PCDH9: variants seen among roughly 807,000 people sequenced by gnomAD.
PCDH9 encodes the protein protocadherin-9.
A neutral mutation model predicts 70.6 loss-of-function variants in PCDH9; 24 were observed. That is an observed-to-expected ratio of 0.34 (90% CI 0.25 to 0.48). PCDH9 has a LOEUF of 0.48. Among genes scored for constraint, PCDH9 ranks in the 20% least tolerant of loss-of-function variants. The pLI is 0.99. For missense variants in PCDH9, 1,281 were observed against 1,503.6 expected, an observed-to-expected ratio of 0.85 and a Z score of 2.45; for synonymous variants, 562 against 558.5, an observed-to-expected ratio of 1.01 and a Z score of -0.09.
chr13:67,035,862 A>G (rs1477528001), intron 2 of PCDH9, among the ~76,000 whole-genome samples: 1 of 152,118 alleles, frequency 6.6e-6, no homozygotes, highest in Non-Finnish European at 1.5e-5. Context: ...CCCCAAATCC[A>G]ATATTTGTCC....
chr13:67,149,485 A>G (rs954019013), intron 2 of PCDH9, among the ~76,000 whole-genome samples: 4 of 151,942 alleles, frequency 2.6e-5, no homozygotes, highest in Admixed American at 1.3e-4. Context: ...TATTGTGATT[A>G]TCATTATCAT....
chr13:66,932,969 T>C (rs1167809916), intron 2 of PCDH9, among the ~76,000 whole-genome samples: 3 of 151,702 alleles, frequency 2.0e-5, no homozygotes, highest in South Asian at 2.1e-4. Context: ...ATAGTTAAGA[T>C]AATTAAATTT....
intron 3 of PCDH9, among the ~76,000 whole-genome samples, chr13:66,828,344 A>T (rs990884696): frequency 1.3e-5 from 2 of 152,242 alleles, no homozygotes; most frequent in Non-Finnish European, 2.9e-5. Context: ...GAAGAGTGAC[A>T]TGAATTTATA....
At chr13:67,058,909 G>T (rs887182840) in intron 2 of PCDH9, among the ~76,000 whole-genome samples, 2 of 151,980 alleles carry the variant, frequency 1.3e-5, no homozygotes, top group Non-Finnish European at 2.9e-5. Flanking sequence ...AAAAAGAAAG[G>T]TCTTTCAATA....
intron 2 of PCDH9, among the ~76,000 whole-genome samples, chr13:67,026,281 A>T (rs1391875863): frequency 6.6e-6 from 1 of 152,172 alleles, no homozygotes; most frequent in African/African-American, 2.4e-5. Context: ...ATCAATGTTC[A>T]TCAAGGATAT....
chr13:66,760,855 AG>A (rs1040685187), intron 3 of PCDH9, among the ~76,000 whole-genome samples: 3 of 152,130 alleles, frequency 2.0e-5, no homozygotes, highest in Non-Finnish European at 2.9e-5. Flanking sequence ...TATCTTATGC[AG>A]TTGTAGATAA....
At chr13:66,445,136 T>A (rs1041038002) in intron 4 of PCDH9, among the ~76,000 whole-genome samples, 1 of 147,160 alleles carries the variant, frequency 6.8e-6, no homozygotes, top group Non-Finnish European at 1.5e-5. Context: ...TTATATAAAA[T>A]ATATTACATA....
intron 4 of PCDH9, among the ~76,000 whole-genome samples, chr13:66,568,327 C>T (rs2076681280): frequency 1.3e-5 from 2 of 152,086 alleles, no homozygotes; most frequent in South Asian, 4.2e-4. Context: ...TTTATGTCAT[C>T]TAAGTCATCC....
chr13:66,913,120 A>G (rs1291849039), intron 2 of PCDH9, among the ~76,000 whole-genome samples: 1 of 152,048 alleles, frequency 6.6e-6, no homozygotes, highest in Non-Finnish European at 1.5e-5. Context: ...AGTTATTTGA[A>G]TATTGTCTTT....
At chr13:66,618,221 G>T (rs1453998097) in intron 4 of PCDH9, among the ~76,000 whole-genome samples, 1 of 152,152 alleles carries the variant, frequency 6.6e-6, no homozygotes, top group African/African-American at 2.4e-5. Flanking sequence ...TTTTGTGGCG[G>T]TGGGACAAAG....
intron 2 of PCDH9, among the ~76,000 whole-genome samples, chr13:67,194,438 A>G (rs1297577713): frequency 6.6e-6 from 1 of 151,872 alleles, no homozygotes; most frequent in Non-Finnish European, 1.5e-5. Context: ...GTTATCGACC[A>G]TTTCTGACCA....
At chr13:66,520,435 T>A (rs1959937832) in intron 4 of PCDH9, among the ~76,000 whole-genome samples, 1 of 152,218 alleles carries the variant, frequency 6.6e-6, no homozygotes, top group African/African-American at 2.4e-5. Flanking sequence ...TGGGAAGTTG[T>A]CTTTTTTCCT....
chr13:67,186,367 C>T (rs137985550), intron 2 of PCDH9, among the ~76,000 whole-genome samples: 376 of 152,048 alleles, frequency 2.5e-3, no homozygotes, highest in African/African-American at 8.3e-3. Context: ...ATGTAGGGGA[C>T]GAGGAAATGT....
At chr13:66,868,190 G>A (rs1326666050) in intron 3 of PCDH9, among the ~76,000 whole-genome samples, 2 of 151,908 alleles carry the variant, frequency 1.3e-5, no homozygotes, top group African/African-American at 4.8e-5. Flanking sequence ...GTAATATGCA[G>A]TACAAATTTA....
chr13:66,871,336 T>C (rs1350505465), intron 3 of PCDH9, among the ~76,000 whole-genome samples: 1 of 151,692 alleles, frequency 6.6e-6, no homozygotes, highest in Non-Finnish European at 1.5e-5. Flanking sequence ...CATGTATACA[T>C]ATGTAAATAA....
At chr13:66,557,899 C>T (rs1434687508) in intron 4 of PCDH9, among the ~76,000 whole-genome samples, 2 of 152,096 alleles carry the variant, frequency 1.3e-5, no homozygotes, top group Non-Finnish European at 2.9e-5. Flanking sequence ...TGCCTGTAAT[C>T]CCAACAGTTT....
At chr13:66,546,976 C>G (rs1386214325) in intron 4 of PCDH9, among the ~76,000 whole-genome samples, 1 of 152,140 alleles carries the variant, frequency 6.6e-6, no homozygotes, top group Non-Finnish European at 1.5e-5. Flanking sequence ...CCTAGACCAT[C>G]TAGTTTTGTC....
chr13:66,369,982 T>A (rs1399911280), intron 4 of PCDH9, among the ~76,000 whole-genome samples: 1 of 152,108 alleles, frequency 6.6e-6, no homozygotes, highest in Non-Finnish European at 1.5e-5. Context: ...AAAAATACAG[T>A]GAAGAATAAA....
At chr13:66,397,717 C>T (rs1957127289) in intron 4 of PCDH9, among the ~76,000 whole-genome samples, 1 of 151,070 alleles carries the variant, frequency 6.6e-6, no homozygotes, top group African/African-American at 2.4e-5. Flanking sequence ...TCCATGTTAT[C>T]ATTGGTGTGT....
Sources: allele counts gnomAD v4.1 joint callset (sites outside exome capture counted in the v4.1 genomes callset), GRCh38; gene constraint gnomAD v4.1.1; transcripts MANE v1.5; gene names NCBI Gene and HGNC (gene_info 2026-07-23, HGNC 2026-07-21).